Variants in TBC1D30 observed in about 807,000 individuals in gnomAD.
TBC1D30 encodes TBC1 domain family, member 30.
In TBC1D30, 31 loss-of-function variants were observed where a neutral mutation model predicts 63.2. The observed-to-expected ratio is 0.49, with a 90% CI of 0.37 to 0.66. TBC1D30 has a LOEUF of 0.66. TBC1D30 is among the 30% of genes least tolerant of loss of function. The pLI, the probability that TBC1D30 is intolerant of heterozygous loss-of-function variation, is 0.00. For missense variants in TBC1D30, 810 were observed against 953.6 expected (o/e 0.85, Z 1.98); for synonymous variants, 307 against 361.5 (o/e 0.85, Z 1.71).
intron 5 of TBC1D30, among the ~76,000 whole-genome samples, chr12:64,835,608 T>C (rs1252312970): frequency 1.3e-5 from 2 of 152,212 alleles, no homozygotes; most frequent in African/African-American, 4.8e-5. Flanking sequence ...CCACCTGAAT[T>C]AGCACGTGGA....
intron 2 of TBC1D30, among the ~76,000 whole-genome samples, chr12:64,794,104 T>C (rs1166105728): frequency 6.6e-6 from 1 of 152,228 alleles, no homozygotes; most frequent in African/African-American, 2.4e-5. Context: ...ACTTGTCTTG[T>C]TGCTCTTGAG....
At position 64,875,732 on chromosome 12, in the gene TBC1D30, A is replaced by G. The variant is rs1202515643; in HGVS notation, c.2230A>G (p.Met744Val). 20 of 1,535,994 alleles carry G rather than the reference A, an allele frequency of 1.3e-5. No individual in the cohort carries two copies. The highest frequency in any genetic ancestry group is 2.7e-5 in the African/African-American group (2 of 72,994). ...AACCCCAACTGTGCACTTTCCTCAA[A>G]TGAGTAGGAGCTTCAGCAAACCCGG... ...ERTPTVHFPQ[M>V]SRSFSKPGGG... Residue 744 changes from methionine (M) to valine (V), a missense_variant, in exon 12 of 12, where the codon ATG becomes GTG. Around this residue, in one of 4 missense-constraint regions of TBC1D30, gnomAD observed 450 missense variants for 473.0 expected, o/e 0.95. Coordinates refer to ENST00000539867, the MANE Select transcript of TBC1D30 (RefSeq NM_015279.2).
intron 8 of TBC1D30, among the ~76,000 whole-genome samples, chr12:64,860,493 A>G (rs75589754): frequency 5.8e-4 from 88 of 151,990 alleles, no homozygotes; most frequent in African/African-American, 1.9e-3. Context: ...TGTAAGTAGC[A>G]AGTTCCTTAA....
chr12:64,805,521 A>G (rs1592568358), intron 2 of TBC1D30, among the ~76,000 whole-genome samples: 1 of 152,138 alleles, frequency 6.6e-6, no homozygotes, highest in Non-Finnish European at 1.5e-5. Context: ...ACTCCTCTTC[A>G]GTGTGTCTCA....
intron 2 of TBC1D30, among the ~76,000 whole-genome samples, chr12:64,811,640 C>T (rs1333170775): frequency 1.3e-5 from 2 of 152,154 alleles, no homozygotes; most frequent in African/African-American, 2.4e-5. Context: ...GCCATGGCAT[C>T]GTATAAGATA....
At position 64,787,442 on chromosome 12, in the gene TBC1D30, G is replaced by A. The variant is rs566515076; in HGVS notation, c.643+1397G>A. Reference sequence around the variant, plus strand: ...AAATGCCTGTGACAGCTTTTCAGGCGATTGTGGAAGTTGCCTTTTGTTGCT... The same window carrying A: ...AAATGCCTGTGACAGCTTTTCAGGCAATTGTGGAAGTTGCCTTTTGTTGCT... On this transcript the variant is annotated intron_variant, in intron 2 of 12. Transcript: ENST00000542120. 46 of 867,868 alleles carry A rather than the reference G, an allele frequency of 5.3e-5. No individual in the cohort carries two copies. In the South Asian group the frequency reaches 6.3e-4, roughly 12 times the overall value. The allele number at this position is 867,868 out of a possible 1,614,324, so 53.8% of individuals were successfully genotyped here. A position where few individuals can be genotyped will look rare whatever the true frequency, so the allele number is the denominator to read the frequency against.
intron 8 of TBC1D30, among the ~76,000 whole-genome samples, chr12:64,849,966 T>G (rs915017953): frequency 6.6e-6 from 1 of 152,172 alleles, no homozygotes; most frequent in Non-Finnish European, 1.5e-5. Flanking sequence ...GATTTGTAGT[T>G]CTCCTTGAAG....
intron 2 of TBC1D30, among the ~76,000 whole-genome samples, chr12:64,788,103 T>C (rs546695716): frequency 7.2e-5 from 11 of 152,022 alleles, no homozygotes; most frequent in African/African-American, 2.4e-4. Context: ...CAAACAGGAA[T>C]GCGATTGAGT....
At chr12:64,797,743 G>A (rs999279589) in intron 2 of TBC1D30, among the ~76,000 whole-genome samples, 11 of 152,112 alleles carry the variant, frequency 7.2e-5, no homozygotes, top group African/African-American at 2.7e-4. Flanking sequence ...AATCAAAAGC[G>A]AATGTCCTCA....
chr12:64,856,830 C>T (rs1272519634), intron 8 of TBC1D30, among the ~76,000 whole-genome samples: 2 of 152,170 alleles, frequency 1.3e-5, no homozygotes, highest in Non-Finnish European at 2.9e-5. Context: ...CTGCTCTTCC[C>T]TCCCCATACC....
intron 7 of TBC1D30, 68 bp downstream of exon 7, chr12:64,838,919 C>T (rs3741740): frequency 0.13 from 176,859 of 1,370,322 alleles, 12,902 homozygotes; most frequent in East Asian, 0.31. Context: ...TGTGCTCTAA[C>T]GTGTAAAGCA....
rs188259931 is a variant in TBC1D30 at position 64,802,660 on chromosome 12, T to C, written c.643+16615T>C. On this transcript the variant is annotated intron_variant, in intron 2 of 12. Transcript: ENST00000542120. ...TATCCCTCCCCCGTCCCCCACCGCA[T>C]GACAGGCCCCGGTGTGTGATGTTCC... Among the ~76,000 whole-genome samples, 1,367 of 151,762 alleles carry C rather than the reference T, an allele frequency of 9.0e-3. 12 individuals are homozygous for C. Among genetic ancestry groups the C allele is most frequent in the South Asian group, 0.033 (155 of 4,758 alleles).
At chr12:64,785,208 A>G (rs1871499000) in intron 1 of TBC1D30, among the ~76,000 whole-genome samples, 1 of 148,972 alleles carries the variant, frequency 6.7e-6, no homozygotes, top group Admixed American at 6.7e-5. Flanking sequence ...CTGGAGTGCA[A>G]TGGCGCGATC....
chr12:64,821,331 G>T (rs1274043255), upstream of TBC1D30, among the ~76,000 whole-genome samples: 2 of 152,226 alleles, frequency 1.3e-5, no homozygotes, highest in African/African-American at 4.8e-5. Context: ...AAGGGAGTTG[G>T]ATGGTCTGAG....
At position 64,828,102 on chromosome 12, in the gene TBC1D30, C is replaced by T. The variant is rs553221498; in HGVS notation, c.216+206C>T. ...AATTTTGCACTTTCTATTAATGGTA[C>T]ATGTGTGAAAAATTTTAAAATGAAT... On this transcript the variant is annotated intron_variant, in intron 2 of 11. Transcript: ENST00000539867. Among the ~76,000 whole-genome samples the T allele has an allele frequency of 3.3e-5, 5 of 152,292 alleles. No individual in the cohort carries two copies. The East Asian group carries it at 9.6e-4, about 29-fold the overall frequency.
intron 1 of TBC1D30, among the ~76,000 whole-genome samples, chr12:64,785,147 C>CTTTTTTTTTTTTTTTTTTTTTTTTT (rs3033154): frequency 7.4e-6 from 1 of 134,844 alleles, no homozygotes; most frequent in Non-Finnish European, 1.6e-5. Context: ...ACTTTAAAGA[C>CTTTTTTTTTTTTTTTTTTTTTTTTT]TTTTTTTTTT....
chr12:64,781,919 G>A (rs1196190027), intron 1 of TBC1D30, among the ~76,000 whole-genome samples: 3 of 151,536 alleles, frequency 2.0e-5, no homozygotes, highest in Non-Finnish European at 4.4e-5. Flanking sequence ...GGGCCCTAGA[G>A]TGTTGAGGTT....
In TBC1D30 at chr12:64,825,005, G is replaced by A. The variant is rs1455843058; in HGVS notation, c.126G>A (p.Ala42=). Residue 42 remains alanine, a synonymous_variant, in exon 1 of 12, where the codon GCG becomes GCA. Transcript: ENST00000539867. The part of the protein sequence containing the change: ...LKKRSCISRT[A]PRLLCTLEPG... ...AGCGCAGCTGCATTTCCCGGACCGC[G>A]CCCCGGCTGCTGTGCACCCTGGAGC... 2.0e-6 allele frequency: 3 copies of A among 1,533,906 alleles called. No individual in the cohort carries two copies. The highest frequency in any genetic ancestry group is 2.4e-5 in the East Asian group (1 of 40,888).
chr12:64,813,385 A>G lies in TBC1D30; in HGVS notation c.644-14450A>G, dbSNP rs541031528. Among the ~76,000 whole-genome samples, 265 of 151,770 alleles carry G rather than the reference A, an allele frequency of 1.7e-3. 7 individuals are homozygous for G. In the South Asian group the frequency reaches 0.051, roughly 29 times the overall value. On this transcript the variant is annotated intron_variant, in intron 2 of 12. Coordinates refer to the TBC1D30 transcript ENST00000542120. ...AGCCTGGGCGACAGAGCAAGAGTCC[A>G]TAACAACAACAACAACAACAACAAC...
Sources: allele counts gnomAD v4.1 joint callset (sites outside exome capture counted in the v4.1 genomes callset), GRCh38; gene constraint gnomAD v4.1.1; regional missense constraint gnomAD v4.1.1; transcripts MANE v1.5; gene names NCBI Gene and HGNC (gene_info 2026-07-23, HGNC 2026-07-21).